The following PCDHGA3 variants were observed in gnomAD, a reference collection of about 807,000 sequenced individuals.
PCDHGA3 encodes the protein protocadherin gamma-A3.
In PCDHGA3, 40 loss-of-function variants were observed where a neutral mutation model predicts 58.5. The ratio of observed to expected loss-of-function variants is 0.68; its 90% CI spans 0.53 to 0.89. PCDHGA3 has a LOEUF of 0.89. Ranked by LOEUF, PCDHGA3 falls within the 40% of genes least tolerant of loss-of-function variation. The pLI is 0.00. For synonymous variants in PCDHGA3, 530 were observed against 525.7 expected, an observed-to-expected ratio of 1.01 and a Z score of -0.11; for missense variants, 1,223 against 1,195.9, an observed-to-expected ratio of 1.02 and a Z score of -0.33.
chr5:141,452,459 C>T (rs545368648), intron 1 of PCDHGA3, among the ~76,000 whole-genome samples: 38 of 152,246 alleles, frequency 2.5e-4, no homozygotes, highest in Middle Eastern at 6.8e-3. Context: ...TGTCAGCAGA[C>T]GGAGCTAGGA....
chr5:141,370,576 T>C, intron 1 of PCDHGA3: 1 of 1,613,974 alleles, frequency 6.2e-7, no homozygotes, highest in Non-Finnish European at 8.5e-7. Context: ...GTGGGGGATT[T>C]ACCTACTAGG....
At position 141,408,836 on chromosome 5, in the gene PCDHGA3, T is replaced by C. The variant is rs772595834; in HGVS notation, c.2424+62379T>C. The C allele has an allele frequency of 5.0e-6, 8 of 1,613,680 alleles. No individual in the cohort carries two copies. In the South Asian group the frequency reaches 6.6e-5, roughly 13 times the overall value. ...AGAACAGAGATCTCATAGCTTGATA[T>C]TGACTGCCTTGGACGGAGGGGACCC... On this transcript the variant is annotated intron_variant, in intron 1 of 3. Transcript: ENST00000253812.
chr5:141,403,532 C>A (rs1313886103), intron 1 of PCDHGA3: 1 of 1,613,892 alleles, frequency 6.2e-7, no homozygotes, highest in Non-Finnish European at 8.5e-7. Context: ...AAACCCAGAG[C>A]TGGTGCTGGA....
At chr5:141,372,234 C>A in intron 1 of PCDHGA3, 1 of 1,613,350 alleles carries the variant, frequency 6.2e-7, no homozygotes. Context: ...GGCCAGCGAG[C>A]CCGGGCTGTT....
chr5:141,387,317 A>C (rs149989100), intron 1 of PCDHGA3, among the ~76,000 whole-genome samples: 9 of 152,348 alleles, frequency 5.9e-5, no homozygotes, highest in African/African-American at 1.4e-4. Flanking sequence ...CTAATGAGTA[A>C]GTATGGAAAA....
intron 1 of PCDHGA3, chr5:141,484,966 G>C: frequency 1.7e-6 from 1 of 583,968 alleles, no homozygotes. Context: ...GAGCCCGGGA[G>C]CCGCTGTCTG....
At chr5:141,414,287 C>A (rs374229359) in intron 1 of PCDHGA3, 4 of 1,613,316 alleles carry the variant, frequency 2.5e-6, no homozygotes, top group Non-Finnish European at 3.4e-6. Flanking sequence ...ACAGTCGTAG[C>A]CCTTTTAAAT....
Position 141,352,107 on chromosome 5 carries a change from G to A in PCDHGA3, c.2424+5650G>A, listed in dbSNP as rs754148272. On this transcript the variant is annotated intron_variant, in intron 1 of 3. Transcript: ENST00000253812. ...AGCGAGCCCGGGCTCTTCAGCCTGG[G>A]GTTGCGCACGGGTGAGGTGCGCACA... is the stretch of plus-strand genomic sequence containing the variant. 1.9e-6 allele frequency: 3 copies of A among 1,607,096 alleles called. No homozygotes were observed. The African/African-American group carries it at 4.0e-5, about 21-fold the overall frequency.
In PCDHGA3 at chr5:141,505,363, T is replaced by C. The variant is rs751635403; in HGVS notation, c.2484-30T>C. 1.6e-5 allele frequency: 26 copies of C among 1,613,242 alleles called. No individual in the cohort carries two copies. In the Middle Eastern group the frequency reaches 9.9e-4, roughly 61 times the overall value. On this transcript the variant is annotated intron_variant, in intron 2 of 3. Transcript: ENST00000253812. ...GGCATGAGCTGTGCCGGCCTGGGAG[T>C]CTGTGCTCACCATCCTACTCTCTCC... is the stretch of plus-strand genomic sequence containing the variant.
intron 1 of PCDHGA3, among the ~76,000 whole-genome samples, chr5:141,438,252 G>A (rs1181991674): frequency 6.6e-6 from 1 of 152,072 alleles, no homozygotes. Context: ...AACTGTCATT[G>A]AAGAGACCAT....
At position 141,422,164 on chromosome 5, in the gene PCDHGA3, T is replaced by C. The variant is rs2096630287; in HGVS notation, c.2425-72643T>C. 2 of 1,568,668 alleles carry C rather than the reference T, an allele frequency of 1.3e-6. No homozygotes were observed. Among genetic ancestry groups the C allele is most frequent in the Non-Finnish European group, 1.7e-6 (2 of 1,162,894 alleles). On this transcript the variant is annotated intron_variant, in intron 1 of 3. Coordinates refer to ENST00000253812, the MANE Select transcript of PCDHGA3 (RefSeq NM_018916.4). ...ACGGGGGTCTCTGGATTTTGAAAAA[T>C]ATAGATTCTATGAGATGGAAATTCA... is the stretch of plus-strand genomic sequence containing the variant.
At chr5:141,372,698 C>A in intron 1 of PCDHGA3, 1 of 1,613,986 alleles carries the variant, frequency 6.2e-7, no homozygotes, top group Non-Finnish European at 8.5e-7. Context: ...TTAAATTTCT[C>A]AATATAAAGG....
chr5:141,384,752 C>A, intron 1 of PCDHGA3: 1 of 1,614,024 alleles, frequency 6.2e-7, no homozygotes, highest in East Asian at 2.2e-5. Flanking sequence ...GGACTCTTTG[C>A]GGTTGGGCTG....
chr5:141,348,858 T>A (rs959514515), intron 1 of PCDHGA3, among the ~76,000 whole-genome samples: 1 of 152,088 alleles, frequency 6.6e-6, no homozygotes, highest in Non-Finnish European at 1.5e-5. Flanking sequence ...TGCAAAATAG[T>A]AGAATAAATT....
chr5:141,344,278 G>T lies in PCDHGA3; in HGVS notation c.245G>T (p.Gly82Val), dbSNP rs757495940. ...CTTTTCTCTCTGAATCCGCAAAGCG[G>T]CAGCTTGGTCACCGCGGAGAGGATA... ...TQLFSLNPQS[G>V]SLVTAERIDR... is the part of the protein sequence containing the mutation. The change falls in exon 1 of 4, where the codon GGC becomes GTC. Residue 82 changes from glycine (G) to valine (V), a missense_variant. Physicochemically the swap from Gly to Val is moderately radical, Grantham distance 109. This residue lies in a region of PCDHGA3 where 791 missense variants were observed against 708.5 expected (regional missense o/e 1.12). Coordinates refer to ENST00000253812, the MANE Select transcript of PCDHGA3 (RefSeq NM_018916.4). 1.2e-6 allele frequency: 2 copies of T among 1,614,098 alleles called. No homozygotes were observed. The highest frequency in any genetic ancestry group is 2.2e-5 in the South Asian group (2 of 91,090).
chr5:141,388,662 A>G, intron 1 of PCDHGA3: 1 of 1,613,954 alleles, frequency 6.2e-7, no homozygotes, highest in African/African-American at 1.3e-5. Flanking sequence ...CCCGGGGACC[A>G]CGGTGCTACA....
chr5:141,383,541 C>T lies in PCDHGA3; in HGVS notation c.2424+37084C>T, dbSNP rs1197504109. 4 of 1,612,656 alleles carry T rather than the reference C, an allele frequency of 2.5e-6. No individual in the cohort carries two copies. In the East Asian group the frequency reaches 6.7e-5, roughly 27 times the overall value. ...GGGTTCACCACCTGGTCCTCACAGC[C>T]TCTGATGGCGGCGACCCGCCCCGAT... On this transcript the variant is annotated intron_variant, in intron 1 of 3. Coordinates refer to ENST00000253812, the MANE Select transcript of PCDHGA3 (RefSeq NM_018916.4).
chr5:141,415,594 G>A (rs753362668), intron 1 of PCDHGA3: 1 of 1,613,866 alleles, frequency 6.2e-7, no homozygotes, highest in Non-Finnish European at 8.5e-7. Context: ...TCCTATAGAG[G>A]ATACCCCATT....
intron 2 of PCDHGA3, among the ~76,000 whole-genome samples, chr5:141,501,136 G>A (rs909142955): frequency 6.6e-6 from 1 of 152,090 alleles, no homozygotes; most frequent in Non-Finnish European, 1.5e-5. Context: ...CTAAGTGCTG[G>A]GATTACAGGT....
Sources: gnomAD v4.1 joint callset for allele counts (sites outside exome capture counted in the v4.1 genomes callset) on GRCh38, gnomAD v4.1.1 for gene constraint, gnomAD v4.1.1 regional missense constraint, MANE v1.5 for transcripts, NCBI Gene and HGNC (gene_info 2026-07-23, HGNC 2026-07-21) for gene names.